SLC16A2: variants seen among roughly 807,000 people sequenced by gnomAD.
SLC16A2 encodes the protein monocarboxylate transporter 8.
A neutral mutation model predicts 27.2 loss-of-function variants in SLC16A2; 3 were observed. The ratio of observed to expected loss-of-function variants is 0.11; its 90% CI spans 0.05 to 0.28. The LOEUF (loss-of-function observed/expected upper bound fraction) is 0.28, where lower values mean the gene tolerates loss of function less well. Among genes scored for constraint, SLC16A2 ranks in the 10% least tolerant of loss-of-function variants. The pLI, the probability that SLC16A2 is intolerant of heterozygous loss-of-function variation, is 1.00. For synonymous variants in SLC16A2, 202 were observed against 187.8 expected, an observed-to-expected ratio of 1.08 and a Z score of -0.62; for missense variants, 295 against 458.5, an observed-to-expected ratio of 0.64 and a Z score of 3.26.
At chrX:74,457,040 T>C (rs1929051842) in intron 1 of SLC16A2, among the ~76,000 whole-genome samples, 1 of 111,071 alleles carries the variant, frequency 9.0e-6, no homozygotes, top group African/African-American at 3.3e-5. Flanking sequence ...TCCTTCTATC[T>C]CCACCAATTT....
intron 4 of SLC16A2, 102 bp from the exon 5 acceptor site, chrX:74,529,111 C>G (rs1930527680): frequency 1.8e-6 from 1 of 569,402 alleles, no homozygotes; most frequent in Non-Finnish European, 2.9e-6. Context: ...TCCCACCACC[C>G]CATTTTATAG....
At chrX:74,446,107 C>T (rs1010099914) in intron 1 of SLC16A2, among the ~76,000 whole-genome samples, 20 of 111,012 alleles carry the variant, frequency 1.8e-4, no homozygotes, top group African/African-American at 6.2e-4. Context: ...ATGCTAGTTG[C>T]GGGTGCCAAG....
chrX:74,497,239 A>G lies in SLC16A2; in HGVS notation c.431-23751A>G, dbSNP rs138135086. 2.0e-4 allele frequency among the ~76,000 whole-genome samples: 22 copies of G among 111,826 alleles called. 1 individual carries two copies. Among genetic ancestry groups the G allele is most frequent in the Admixed American group, 5.7e-4 (6 of 10,564 alleles). ...GGCCAGGACCTTAACCCCTTGTATC[A>G]TTTAAAGGGACCATGCTCTTTCCTT... is the stretch of plus-strand genomic sequence containing the variant. On this transcript the variant is annotated intron_variant, in intron 1 of 5. Transcript: ENST00000587091.
chrX:74,495,799 T>C (rs1929922914), intron 1 of SLC16A2, among the ~76,000 whole-genome samples: 1 of 111,424 alleles, frequency 9.0e-6, no homozygotes, highest in Admixed American at 9.5e-5. Context: ...TGAGCCTTGT[T>C]TCCTCTGGCC....
chrX:74,435,555 T>TTATA (rs1928619067), intron 1 of SLC16A2, among the ~76,000 whole-genome samples: 1 of 32,948 alleles, frequency 3.0e-5, no homozygotes, highest in East Asian at 6.0e-4. Flanking sequence ...ATATATATAT[T>TTATA]TTTTTTTTTT....
chrX:74,425,075 C>G (rs886684982), intron 1 of SLC16A2, among the ~76,000 whole-genome samples: 2 of 111,212 alleles, frequency 1.8e-5, no homozygotes, highest in Non-Finnish European at 1.9e-5. Flanking sequence ...GCTATGTTGC[C>G]CAGGCTGGTC....
chrX:74,433,359 GAGACTCTGTCTCAAAAAA>G (rs1279051429), intron 1 of SLC16A2, among the ~76,000 whole-genome samples: 1 of 104,018 alleles, frequency 9.6e-6, no homozygotes. Context: ...GCAACACAGT[GAGACTCTGTCTCAAAAAA>G]AAAAAAAAAA....
At chrX:74,443,894 T>C (rs1472400981) in intron 1 of SLC16A2, among the ~76,000 whole-genome samples, 1 of 111,571 alleles carries the variant, frequency 9.0e-6, no homozygotes, top group East Asian at 2.8e-4. Flanking sequence ...TGGAAGCTGC[T>C]GATGGATTTT....
chrX:74,508,689 T>C (rs756924210), intron 1 of SLC16A2, among the ~76,000 whole-genome samples: 4 of 111,946 alleles, frequency 3.6e-5, no homozygotes, highest in Non-Finnish European at 5.6e-5. Context: ...TATTTCTTTT[T>C]GCTGTCTTGT....
intron 5 of SLC16A2, 70 bp downstream of exon 5, chrX:74,529,511 G>T (rs181755409): frequency 1.2e-6 from 1 of 827,963 alleles, no homozygotes; most frequent in East Asian, 3.4e-5. Context: ...GCACTCCTGA[G>T]CATCTCTCCT....
chrX:74,435,494 CTT>C (rs1220256779), intron 1 of SLC16A2, among the ~76,000 whole-genome samples: 2 of 26,300 alleles, frequency 7.6e-5, no homozygotes, highest in African/African-American at 8.3e-5. Context: ...GATCCCATCT[CTT>C]ATATATATGT....
At chrX:74,475,093 C>A (rs1213942810) in intron 1 of SLC16A2, among the ~76,000 whole-genome samples, 1 of 109,980 alleles carries the variant, frequency 9.1e-6, no homozygotes, top group Non-Finnish European at 1.9e-5. Flanking sequence ...TACAGTCCCA[C>A]CAACAGTGTA....
At chrX:74,494,810 A>T (rs777521525) in intron 1 of SLC16A2, among the ~76,000 whole-genome samples, 43 of 111,314 alleles carry the variant, frequency 3.9e-4, no homozygotes, top group South Asian at 1.5e-3. Flanking sequence ...GGACTGGGTC[A>T]GGTTGTTAAC....
chrX:74,441,241 A>G (rs1429942554), intron 1 of SLC16A2, among the ~76,000 whole-genome samples: 1 of 111,210 alleles, frequency 9.0e-6, no homozygotes, highest in African/African-American at 3.3e-5. Flanking sequence ...TATTTTTAGT[A>G]GAGACGGGGT....
rs371301801 is a variant in SLC16A2, at chrX:74,440,022, C to T, written c.430+17955C>T. ...GTTTTGCTTATTTGCAAGGTTGGAA[C>T]AAAAAAGAATTCCTAGTGATAGAGT... On this transcript the variant is annotated intron_variant, in intron 1 of 5. Transcript: ENST00000587091. Among the ~76,000 whole-genome samples the T allele has an allele frequency of 4.5e-5, 5 of 111,078 alleles. No homozygotes were observed. The East Asian group carries it at 8.5e-4, about 19-fold the overall frequency.
chrX:74,459,835 T>G (rs1002290569), intron 1 of SLC16A2, among the ~76,000 whole-genome samples: 2 of 111,449 alleles, frequency 1.8e-5, no homozygotes, highest in Non-Finnish European at 3.8e-5. Context: ...GTCCATACAT[T>G]CAGGGTAACT....
intron 2 of SLC16A2, among the ~76,000 whole-genome samples, chrX:74,522,210 C>T (rs374333470): frequency 8.9e-6 from 1 of 111,752 alleles, no homozygotes; most frequent in Non-Finnish European, 1.9e-5. Flanking sequence ...CCCAGAAAAG[C>T]GTCATGGCTC....
At chrX:74,499,504 A>G (rs1209059190) in intron 1 of SLC16A2, among the ~76,000 whole-genome samples, 1 of 95,946 alleles carries the variant, frequency 1.0e-5, no homozygotes, top group Non-Finnish European at 2.0e-5. Context: ...CCCAGGCTGG[A>G]GTTCAGTGGC....
At chrX:74,457,985 A>C (rs1212210898) in intron 1 of SLC16A2, among the ~76,000 whole-genome samples, 2 of 111,961 alleles carry the variant, frequency 1.8e-5, no homozygotes. Flanking sequence ...CCACACCACC[A>C]GTGGTCTTTC....
Sources: gnomAD v4.1 joint callset for allele counts (sites outside exome capture counted in the v4.1 genomes callset) on GRCh38, gnomAD v4.1.1 for gene constraint, MANE v1.5 for transcripts, NCBI Gene and HGNC (gene_info 2026-07-23, HGNC 2026-07-21) for gene names.